The following LHFPL2 variants were observed in gnomAD, a reference collection of about 807,000 sequenced individuals.
LHFPL2 encodes LHFPL tetraspan subfamily member 2.
Under a neutral mutation model 17.5 loss-of-function variants are expected in LHFPL2, and 7 were observed. That is an observed-to-expected ratio of 0.40 (90% confidence interval 0.23 to 0.75). LHFPL2 has a LOEUF of 0.75. LHFPL2 is among the 30% of genes least tolerant of loss of function. LHFPL2 has a pLI of 0.37. For missense variants in LHFPL2, 241 were observed against 294.8 expected, an observed-to-expected ratio of 0.82 and a Z score of 1.34; for synonymous variants, 134 against 116.2, an observed-to-expected ratio of 1.15 and a Z score of -0.99.
At position 78,510,434 on chromosome 5, in the gene LHFPL2, G is replaced by A. The variant is rs1561313307; in HGVS notation, c.-185-36C>T. ...GGGAGGGCGGTTAGCAGCGCCGCCA[G>A]GCCCCGCCCCGCCTTCCCGCCGCGC... On this transcript the variant is annotated intron_variant, in intron 3 of 4. Transcript: ENST00000380345. 1.7e-5 allele frequency: 9 copies of A among 522,530 alleles called. No individual in the cohort carries two copies. In the Middle Eastern group the frequency reaches 2.0e-3, roughly 115 times the overall value. 32.4% of individuals were successfully genotyped at this position (522,530 alleles called of 1,614,324 possible). A position where few individuals can be genotyped will look rare whatever the true frequency, so the allele number is the denominator to read the frequency against.
At chr5:78,641,280 A>G (rs1169780734) in intron 1 of LHFPL2, among the ~76,000 whole-genome samples, 1 of 152,198 alleles carries the variant, frequency 6.6e-6, no homozygotes, top group Non-Finnish European at 1.5e-5. Flanking sequence ...CCATACATCA[A>G]CCTGGGCTAC....
At chr5:78,506,158 C>A (rs1754925520) in intron 4 of LHFPL2, among the ~76,000 whole-genome samples, 1 of 152,232 alleles carries the variant, frequency 6.6e-6, no homozygotes, top group African/African-American at 2.4e-5. Flanking sequence ...ATTGAAGTAG[C>A]AGATTCTTTC....
chr5:78,581,053 G>C (rs111846305), intron 2 of LHFPL2, among the ~76,000 whole-genome samples: 1 of 151,988 alleles, frequency 6.6e-6, no homozygotes, highest in African/African-American at 2.4e-5. Flanking sequence ...TCCTTGAAGA[G>C]GTCCTTCCCA....
At chr5:78,555,251 G>A (rs1222871264) in intron 3 of LHFPL2, among the ~76,000 whole-genome samples, 10 of 152,134 alleles carry the variant, frequency 6.6e-5, no homozygotes, top group African/African-American at 2.4e-4. Flanking sequence ...TTTAAACCAA[G>A]CAAGGAGGTA....
At chr5:78,500,286 A>T (rs1011365223) in intron 4 of LHFPL2, among the ~76,000 whole-genome samples, 6 of 152,172 alleles carry the variant, frequency 3.9e-5, no homozygotes, top group Non-Finnish European at 7.3e-5. Flanking sequence ...TTCTCAATTC[A>T]TAGAGCTAGA....
chr5:78,632,448 G>A (rs570279745), intron 1 of LHFPL2, 80 bp from the exon 2 acceptor site: 30 of 152,340 alleles, frequency 2.0e-4, no homozygotes, highest in African/African-American at 7.2e-4. Flanking sequence ...GAAACCTGCA[G>A]TCTATGGCTA....
At chr5:78,601,005 C>A (rs1179610015) in intron 2 of LHFPL2, among the ~76,000 whole-genome samples, 1 of 152,178 alleles carries the variant, frequency 6.6e-6, no homozygotes, top group Non-Finnish European at 1.5e-5. Flanking sequence ...GGATTTAAAT[C>A]TGCCCAACAC....
rs1385724501 is a variant in LHFPL2, at chr5:78,489,012, C to T, written c.572G>A (p.Gly191Asp). 4.3e-6 allele frequency: 7 copies of T among 1,614,194 alleles called. No individual in the cohort carries two copies. The highest frequency in any genetic ancestry group is 5.9e-6 in the Non-Finnish European group (7 of 1,180,040). ...AGCACAGATGAAAGTGAGGACTGTG[C>T]CCCCAATGGCGGTATAAAAGGCCCA... ...LGWAFYTAIG[G>D]TVLTFICAVF... Residue 191 changes from glycine (G) to aspartate (D), a missense_variant, in exon 5 of 5, where the codon GGC becomes GAC. Physicochemically the swap from Gly to Asp is moderately conservative, Grantham distance 94 (BLOSUM62 -1). Transcript: ENST00000380345.
At chr5:78,613,524 A>G (rs1744487240) in intron 2 of LHFPL2, among the ~76,000 whole-genome samples, 1 of 152,158 alleles carries the variant, frequency 6.6e-6, no homozygotes, top group Admixed American at 6.5e-5. Context: ...CTAATACCCC[A>G]TAAGGTGGTT....
chr5:78,601,767 G>A (rs1054329020), intron 2 of LHFPL2, among the ~76,000 whole-genome samples: 2 of 152,178 alleles, frequency 1.3e-5, no homozygotes, highest in Non-Finnish European at 2.9e-5. Flanking sequence ...GGAGGGTGGA[G>A]AGGCTGGGGG....
chr5:78,583,493 C>G (rs1213032592), intron 2 of LHFPL2, among the ~76,000 whole-genome samples: 5 of 149,094 alleles, frequency 3.4e-5, no homozygotes, highest in African/African-American at 7.4e-5. Context: ...GACAAAATCT[C>G]TCAGCATTTG....
chr5:78,542,123 T>C (rs1356732940), intron 3 of LHFPL2, among the ~76,000 whole-genome samples: 2 of 152,088 alleles, frequency 1.3e-5, no homozygotes, highest in African/African-American at 4.8e-5. Context: ...AGCTTTTTTT[T>C]TTTTTAATGT....
intron 3 of LHFPL2, among the ~76,000 whole-genome samples, chr5:78,531,278 G>A (rs1042430063): frequency 6.6e-6 from 1 of 152,100 alleles, no homozygotes; most frequent in Non-Finnish European, 1.5e-5. Flanking sequence ...AGCCGGGCAT[G>A]GTGGTGCATG....
At chr5:78,595,412 C>CA (rs906992486) in intron 2 of LHFPL2, among the ~76,000 whole-genome samples, 1 of 152,174 alleles carries the variant, frequency 6.6e-6, no homozygotes, top group Non-Finnish European at 1.5e-5. Flanking sequence ...TTTCTGCCAC[C>CA]AGAAATCTAT....
Position 78,641,904 on chromosome 5 carries a change from T to TACACACACACACAC in LHFPL2, c.-350+6594_-350+6595insGTGTGTGTGTGTGT, listed in dbSNP as rs1437378031. Reference sequence around the variant, plus strand: ...TTATTGTATTTAAGAAAATGTACAGTATACACACACACACACACACACACA... The same window carrying TACACACACACACAC: ...TTATTGTATTTAAGAAAATGTACAGTACACACACACACACATACACACACACACACACACACACA... On this transcript the variant is annotated intron_variant, in intron 1 of 4. Transcript: ENST00000380345. 7.0e-4 allele frequency: 22 copies of TACACACACACACAC among 31,516 alleles called. No homozygotes were observed. The East Asian group carries it at 0.014, about 20-fold the overall frequency. The allele number at this position is 31,516 out of a possible 1,614,324, so 2.0% of individuals were successfully genotyped here. A position where few individuals can be genotyped will look rare whatever the true frequency, so the allele number is the denominator to read the frequency against.
At position 78,491,893 on chromosome 5, in the gene LHFPL2, G is replaced by GCCTGGA. The variant is rs1352656641; in HGVS notation, c.431-2741_431-2740insTCCAGG. 4.6e-5 allele frequency among the ~76,000 whole-genome samples: 7 copies of GCCTGGA among 152,166 alleles called. 1 individual carries two copies. Among genetic ancestry groups the GCCTGGA allele is most frequent in the Admixed American group, 4.6e-4 (7 of 15,280 alleles). On this transcript the variant is annotated intron_variant, in intron 4 of 4. Transcript: ENST00000380345. ...AGAAGTATAATAATTTGGGGAGAGAGGAGATCCCCAGGCTACATTCAGTAC... is the reference window on the plus strand; with the variant it reads ...AGAAGTATAATAATTTGGGGAGAGAGCCTGGAGAGATCCCCAGGCTACATTCAGTAC...
chr5:78,551,146 G>A (rs1270038794), intron 3 of LHFPL2, among the ~76,000 whole-genome samples: 1 of 152,166 alleles, frequency 6.6e-6, no homozygotes, highest in Non-Finnish European at 1.5e-5. Flanking sequence ...AAGCCTAACT[G>A]CAATTTCAAA....
chr5:78,555,731 G>T (rs1307333725), intron 3 of LHFPL2, among the ~76,000 whole-genome samples: 1 of 152,226 alleles, frequency 6.6e-6, no homozygotes, highest in Non-Finnish European at 1.5e-5. Flanking sequence ...AGAGGGTCTG[G>T]CCTGCAAGTA....
chr5:78,525,921 C>T (rs566359910), intron 3 of LHFPL2, among the ~76,000 whole-genome samples: 11 of 152,108 alleles, frequency 7.2e-5, no homozygotes, highest in South Asian at 4.1e-4. Context: ...AGTGTGAGCA[C>T]GGTAGATAGA....
Sources: allele counts gnomAD v4.1 joint callset (sites outside exome capture counted in the v4.1 genomes callset), GRCh38; gene constraint gnomAD v4.1.1; transcripts MANE v1.5; gene names NCBI Gene and HGNC (gene_info 2026-07-23, HGNC 2026-07-21).